WWOX: variants seen among roughly 807,000 people sequenced by gnomAD.
The protein encoded by WWOX is WW domain-containing oxidoreductase.
WWOX carries 69 observed loss-of-function variants against 46.2 expected under a neutral mutation model. The ratio of observed to expected loss-of-function variants is 1.49; its 90% CI spans 1.23 to 1.82. WWOX has a LOEUF of 1.82. Ranked by LOEUF, WWOX falls within the 40% of genes most tolerant of loss-of-function variation. WWOX has a pLI of 0.00. For synonymous variants in WWOX, 359 were observed against 202.6 expected (o/e 1.77, Z -6.56); for missense variants, 919 against 542.6 (o/e 1.69, Z -6.89).
chr16:78,468,443 A>G (rs900557610), intron 8 of WWOX, among the ~76,000 whole-genome samples: 1 of 151,994 alleles, frequency 6.6e-6, no homozygotes, highest in Non-Finnish European at 1.5e-5. Context: ...CAGAGTTCAC[A>G]CTGAGTTTGC....
At chr16:78,376,631 G>C (rs1356403465) in intron 5 of WWOX, among the ~76,000 whole-genome samples, 1 of 152,156 alleles carries the variant, frequency 6.6e-6, no homozygotes, top group Non-Finnish European at 1.5e-5. Flanking sequence ...CTTTGTTATG[G>C]GGGCTGTTCT....
intron 5 of WWOX, among the ~76,000 whole-genome samples, chr16:78,383,052 A>T (rs2081988712): frequency 6.6e-6 from 1 of 150,458 alleles, no homozygotes; most frequent in South Asian, 2.1e-4. Flanking sequence ...AAACAAGCAG[A>T]TCTTAGGCAT....
chr16:78,949,744 A>G (rs1306217772), intron 8 of WWOX, among the ~76,000 whole-genome samples: 1 of 152,204 alleles, frequency 6.6e-6, no homozygotes, highest in Non-Finnish European at 1.5e-5. Context: ...GGGCAAACAC[A>G]ACAAGTAAAA....
intron 8 of WWOX, among the ~76,000 whole-genome samples, chr16:78,910,015 A>G (rs992181706): frequency 1.3e-5 from 2 of 152,264 alleles, no homozygotes; most frequent in African/African-American, 2.4e-5. Context: ...TTTGCAAAGT[A>G]TAATTACATT....
In WWOX at chr16:78,266,788, TTCTCTCTCTCTCTC is replaced by T. The variant is rs60393431; in HGVS notation, c.516+102523_516+102536del. Among the ~76,000 whole-genome samples, 22 of 115,626 alleles carry T rather than the reference TTCTCTCTCTCTCTC, an allele frequency of 1.9e-4. No homozygotes were observed. The East Asian group carries it at 3.3e-3, about 17-fold the overall frequency. 75.9% of individuals were successfully genotyped at this position (115,626 alleles called of 152,430 possible). A position where few individuals can be genotyped will look rare whatever the true frequency, so the allele number is the denominator to read the frequency against. ...GATAAATGCAAGTTCTATTCTTCTA[TTCTCTCTCTCTCTC>T]TCTCTCTCTCTCTCTCTCTCTCTGT... On this transcript the variant is annotated intron_variant, in intron 5 of 8. Transcript: ENST00000566780.
chr16:78,494,482 A>AG (rs2084861340), intron 8 of WWOX, among the ~76,000 whole-genome samples: 7 of 62,262 alleles, frequency 1.1e-4, no homozygotes, highest in Non-Finnish European at 3.3e-4. Flanking sequence ...TGATACAAAC[A>AG]CAAGCATTAA....
At chr16:78,329,827 G>A (rs2080715096) in intron 5 of WWOX, among the ~76,000 whole-genome samples, 1 of 151,008 alleles carries the variant, frequency 6.6e-6, no homozygotes, top group Non-Finnish European at 1.5e-5. Flanking sequence ...GCTCACTGCA[G>A]CCTCAAACTC....
At chr16:78,731,862 T>TTG (rs1555525172) in intron 8 of WWOX, among the ~76,000 whole-genome samples, 16,529 of 135,702 alleles carry the variant, frequency 0.12, 1,625 homozygotes, top group African/African-American at 0.25. Context: ...TTTTTTTTTT[T>TTG]TGAGAGACAG....
intron 8 of WWOX, among the ~76,000 whole-genome samples, chr16:78,685,723 G>C (rs1026724844): frequency 2.6e-5 from 4 of 152,126 alleles, no homozygotes; most frequent in Non-Finnish European, 5.9e-5. Flanking sequence ...AAATTATTCC[G>C]ACAGTTGCCC....
rs186247899 is a variant in WWOX, at chr16:79,002,678, C to G, written c.1057-208930C>G. On this transcript the variant is annotated intron_variant, in intron 8 of 8. Coordinates refer to ENST00000566780, the MANE Select transcript of WWOX (RefSeq NM_016373.4). ...TGTGATCTGATTTAATCTTCACAAG[C>G]AAACTGGGACAGAGGGACTGTGCCT... Among the ~76,000 whole-genome samples, 261 of 152,296 alleles carry G rather than the reference C, an allele frequency of 1.7e-3. 3 individuals carry two copies. The highest frequency in any genetic ancestry group is 6.1e-3 in the African/African-American group (252 of 41,550).
chr16:78,106,606 G>C (rs558577105), intron 1 of WWOX, among the ~76,000 whole-genome samples: 2 of 152,102 alleles, frequency 1.3e-5, no homozygotes, highest in African/African-American at 4.8e-5. Flanking sequence ...AGTAGAGACA[G>C]GGTTTCTCCA....
chr16:79,019,462 GA>G (rs1417148278), intron 8 of WWOX, among the ~76,000 whole-genome samples: 1 of 152,032 alleles, frequency 6.6e-6, no homozygotes, highest in Non-Finnish European at 1.5e-5. Context: ...TCTAAACATA[GA>G]AATAGTACAG....
chr16:79,098,419 C>T, intron 8 of WWOX, among the ~76,000 whole-genome samples: 2 of 152,290 alleles, frequency 1.3e-5, no homozygotes, highest in Middle Eastern at 6.8e-3. Flanking sequence ...ATTAACTAAC[C>T]CCTCAGGGGT....
intron 8 of WWOX, among the ~76,000 whole-genome samples, chr16:78,488,562 C>A (rs2084697265): frequency 6.6e-6 from 1 of 152,148 alleles, no homozygotes; most frequent in Non-Finnish European, 1.5e-5. Context: ...TTGGCCCTAC[C>A]TGGAGCCTGG....
intron 8 of WWOX, among the ~76,000 whole-genome samples, chr16:79,035,631 C>T (rs562884015): frequency 2.8e-4 from 42 of 152,128 alleles, no homozygotes; most frequent in African/African-American, 8.7e-4. Flanking sequence ...CCTCGTCTCC[C>T]GGGTTCAAGT....
intron 6 of WWOX, among the ~76,000 whole-genome samples, chr16:78,421,668 G>C (rs2151957017): frequency 6.6e-6 from 1 of 152,254 alleles, no homozygotes; most frequent in South Asian, 2.1e-4. Flanking sequence ...GTTGCTATGG[G>C]AATGGTCTGC....
chr16:78,190,520 C>A (rs565678597), intron 5 of WWOX, among the ~76,000 whole-genome samples: 2 of 152,130 alleles, frequency 1.3e-5, no homozygotes, highest in Non-Finnish European at 2.9e-5. Flanking sequence ...AGTGTCTCCC[C>A]GACCGACCCC....
Position 78,348,437 on chromosome 16 carries a change from C to G in WWOX, c.517-38423C>G, listed in dbSNP as rs1476100673. On this transcript the variant is annotated intron_variant, in intron 5 of 8. Coordinates refer to ENST00000566780, the MANE Select transcript of WWOX (RefSeq NM_016373.4). ...AAAAAGATCATAGAGCCAAAGAGCT[C>G]GATACATATACTGATGCGGTGTTTA... Among the ~76,000 whole-genome samples the G allele has an allele frequency of 2.5e-5, 3 of 120,766 alleles. 1 individual carries two copies. Among genetic ancestry groups the G allele is most frequent in the East Asian group, 1.9e-4 (1 of 5,172 alleles). The allele number at this position is 120,766 out of a possible 152,430, so 79.2% of individuals were successfully genotyped here. A position where few individuals can be genotyped will look rare whatever the true frequency, so the allele number is the denominator to read the frequency against.
intron 8 of WWOX, among the ~76,000 whole-genome samples, chr16:78,940,536 G>A (rs1046337390): frequency 9.9e-5 from 15 of 152,080 alleles, no homozygotes; most frequent in African/African-American, 2.7e-4. Flanking sequence ...TCGACATCCC[G>A]TGTTCCATCT....
Sources: allele counts gnomAD v4.1 joint callset (sites outside exome capture counted in the v4.1 genomes callset), GRCh38; gene constraint gnomAD v4.1.1; transcripts MANE v1.5; gene names NCBI Gene and HGNC (gene_info 2026-07-23, HGNC 2026-07-21).